Variants in GRIA4 observed in about 807,000 individuals in gnomAD.
GRIA4 encodes glutamate receptor 4.
Under a neutral mutation model 104.0 loss-of-function variants are expected in GRIA4, and 34 were observed. That is an observed-to-expected ratio of 0.33 (90% CI 0.25 to 0.44). The LOEUF is 0.44. Among genes scored for constraint, GRIA4 ranks in the 20% least tolerant of loss-of-function variants. GRIA4 has a pLI of 1.00. For synonymous variants in GRIA4, 386 were observed against 381.9 expected (o/e 1.01, Z -0.13); for missense variants, 750 against 1,096.5 (o/e 0.68, Z 4.46).
At chr11:105,768,296 C>T (rs1941046416) in intron 4 of GRIA4, among the ~76,000 whole-genome samples, 1 of 151,852 alleles carries the variant, frequency 6.6e-6, no homozygotes, top group South Asian at 2.1e-4. Context: ...AAAAACAAAG[C>T]TATCTTCTAA....
chr11:105,671,939 G>A (rs920280129), intron 3 of GRIA4, among the ~76,000 whole-genome samples: 1 of 151,912 alleles, frequency 6.6e-6, no homozygotes. Flanking sequence ...CCACAATCAG[G>A]GGATTCTGAG....
chr11:105,838,250 C>T lies in GRIA4; in HGVS notation c.488-23774C>T, dbSNP rs768042744. 9.2e-5 allele frequency among the ~76,000 whole-genome samples: 14 copies of T among 152,102 alleles called. No individual in the cohort carries two copies. The East Asian group carries it at 1.2e-3, about 13-fold the overall frequency. On this transcript the variant is annotated intron_variant, in intron 4 of 16. Transcript: ENST00000282499. ...GGAAATTCCATGTCTGCAAATTAAG[C>T]GGTAACATCAGTCTTTTTCTACACA... is the stretch of plus-strand genomic sequence containing the variant.
intron 6 of GRIA4, among the ~76,000 whole-genome samples, chr11:105,890,247 G>C (rs1946409538): frequency 6.6e-6 from 1 of 152,212 alleles, no homozygotes; most frequent in Non-Finnish European, 1.5e-5. Flanking sequence ...TAACTCCCTG[G>C]AGAAACTGAG....
chr11:105,825,916 T>C (rs1156921313), intron 4 of GRIA4, among the ~76,000 whole-genome samples: 2 of 152,008 alleles, frequency 1.3e-5, no homozygotes. Context: ...CCAAAGAAAT[T>C]GACTCACAGC....
At chr11:105,895,663 T>C (rs1946626656) in intron 6 of GRIA4, among the ~76,000 whole-genome samples, 1 of 151,414 alleles carries the variant, frequency 6.6e-6, no homozygotes, top group Non-Finnish European at 1.5e-5. Flanking sequence ...AAATAAATAA[T>C]TGTCCAGAAT....
chr11:105,773,224 C>T (rs969073894), intron 4 of GRIA4, among the ~76,000 whole-genome samples: 1 of 152,028 alleles, frequency 6.6e-6, no homozygotes, highest in Admixed American at 6.6e-5. Flanking sequence ...AGGTACAGGT[C>T]CCTTCTTTGT....
At chr11:105,702,773 C>A (rs1190470337) in intron 3 of GRIA4, among the ~76,000 whole-genome samples, 1 of 138,794 alleles carries the variant, frequency 7.2e-6, no homozygotes, top group Non-Finnish European at 1.5e-5. Flanking sequence ...CTGCTCACTG[C>A]AACCTCCACC....
chr11:105,615,103 G>T (rs1186318050), intron 3 of GRIA4, among the ~76,000 whole-genome samples: 2 of 151,730 alleles, frequency 1.3e-5, no homozygotes, highest in Non-Finnish European at 2.9e-5. Context: ...GTGGCTCCTT[G>T]TAAAACTGGA....
rs960572270 is a variant in GRIA4, at chr11:105,699,718, G to A, written c.248-53263G>A. Among the ~76,000 whole-genome samples the A allele has an allele frequency of 4.6e-5, 7 of 151,990 alleles. No individual in the cohort carries two copies. In the South Asian group the frequency reaches 8.3e-4, roughly 18 times the overall value. On this transcript the variant is annotated intron_variant, in intron 3 of 16. Transcript: ENST00000282499. ...GAACACTTATCCCATGGACACGCAC[G>A]GGGCTCTGTCCCTCAGCCCTTCACT...
In GRIA4 at chr11:105,752,834, ACACTT is replaced by A. The variant is rs138749754; in HGVS notation, c.248-141_248-137del. 549 of 697,018 alleles carry A rather than the reference ACACTT, an allele frequency of 7.9e-4. 2 individuals carry two copies. The highest frequency in any genetic ancestry group is 7.4e-3 in the African/African-American group (414 of 56,042). 43.2% of individuals were successfully genotyped at this position (697,018 alleles called of 1,614,324 possible). A position where few individuals can be genotyped will look rare whatever the true frequency, so the allele number is the denominator to read the frequency against. On this transcript the variant is annotated intron_variant, in intron 3 of 16. Transcript: ENST00000282499. ...ATTAATTGATTGTGCAATTAATTGC[ACACTT>A]CACTTATACTCTTTATCTTATACTC...
intron 4 of GRIA4, among the ~76,000 whole-genome samples, chr11:105,857,431 A>T (rs770689193): frequency 1.1e-4 from 17 of 152,126 alleles, no homozygotes; most frequent in Admixed American, 9.8e-4. Flanking sequence ...TTAACTAACT[A>T]CAAGCTGCTG....
rs1167863684 is a variant in GRIA4, at chr11:105,971,985, G to A, written c.2366G>A (p.Trp789Ter). The A allele has an allele frequency of 2.2e-5, 35 of 1,612,812 alleles. No homozygotes were observed. The highest frequency in any genetic ancestry group is 3.0e-5 in the Non-Finnish European group (35 of 1,179,168). The change falls in exon 15 of 17, where the codon TGG (tryptophan) becomes TAG (stop). Residue 789 changes from tryptophan (W) to a stop codon, truncating the protein, a stop_gained. Transcript: ENST00000282499. LOFTEE classifies it high-confidence loss of function. Reference protein sequence around the residue: ...GVLDKLKNKWWYDKGECGPKD... With the variant: ...GVLDKLKNKW ...TTAGACAAGCTGAAAAACAAATGGT[G>A]GTACGATAAAGGTGAATGTGGACCC...
At chr11:105,857,365 A>T (rs1297394491) in intron 4 of GRIA4, among the ~76,000 whole-genome samples, 1 of 152,150 alleles carries the variant, frequency 6.6e-6, no homozygotes, top group Non-Finnish European at 1.5e-5. Flanking sequence ...GATATTGATG[A>T]TGTAGCAGCA....
At chr11:105,694,529 C>A (rs1449413231) in intron 3 of GRIA4, among the ~76,000 whole-genome samples, 1 of 151,908 alleles carries the variant, frequency 6.6e-6, no homozygotes, top group Non-Finnish European at 1.5e-5. Context: ...AACATATAAT[C>A]AACATAAATA....
At chr11:105,836,888 AT>A (rs1330959647) in intron 4 of GRIA4, among the ~76,000 whole-genome samples, 3 of 152,162 alleles carry the variant, frequency 2.0e-5, no homozygotes, top group Non-Finnish European at 4.4e-5. Context: ...CCCAATCAAC[AT>A]TTTTATAGTA....
chr11:105,808,487 A>G (rs1198342415), intron 4 of GRIA4, among the ~76,000 whole-genome samples: 1 of 151,994 alleles, frequency 6.6e-6, no homozygotes, highest in African/African-American at 2.4e-5. Flanking sequence ...CTTTTTTATT[A>G]TTGTGGCTTG....
At chr11:105,668,347 G>A (rs1341425117) in intron 3 of GRIA4, among the ~76,000 whole-genome samples, 1 of 147,702 alleles carries the variant, frequency 6.8e-6, no homozygotes, top group African/African-American at 2.5e-5. Flanking sequence ...ATAGTTTTAA[G>A]AATTATTATA....
At chr11:105,757,505 A>C (rs1024977109) in intron 4 of GRIA4, among the ~76,000 whole-genome samples, 16 of 152,178 alleles carry the variant, frequency 1.1e-4, no homozygotes, top group Non-Finnish European at 2.2e-4. Flanking sequence ...GGGTTGACAG[A>C]ATGAAGAAAT....
intron 14 of GRIA4, among the ~76,000 whole-genome samples, chr11:105,962,537 G>T (rs1005994150): frequency 6.6e-6 from 1 of 152,074 alleles, no homozygotes; most frequent in Non-Finnish European, 1.5e-5. Flanking sequence ...AAAAACTTTT[G>T]GAAGTTTTTC....
Sources: allele counts gnomAD v4.1 joint callset (sites outside exome capture counted in the v4.1 genomes callset), GRCh38; gene constraint gnomAD v4.1.1; transcripts MANE v1.5; gene names NCBI Gene and HGNC (gene_info 2026-07-23, HGNC 2026-07-21).